FRMPD2: variants seen among roughly 807,000 people sequenced by gnomAD.
FRMPD2 encodes FERM and PDZ domain-containing protein 2.
A neutral mutation model predicts 140.1 loss-of-function variants in FRMPD2; 96 were observed. The observed-to-expected ratio is 0.69, with a 90% CI of 0.58 to 0.81. The LOEUF (loss-of-function observed/expected upper bound fraction) is 0.81, where lower values mean the gene tolerates loss of function less well. Among genes scored for constraint, FRMPD2 ranks in the 40% least tolerant of loss-of-function variants. FRMPD2 has a pLI of 0.00. For synonymous variants in FRMPD2, 449 were observed against 547.6 expected (o/e 0.82, Z 2.52); for missense variants, 1,240 against 1,447.4 (o/e 0.86, Z 2.32).
chr10:48,209,121 T>C (rs1839264243), intron 13 of FRMPD2, among the ~76,000 whole-genome samples: 1 of 152,310 alleles, frequency 6.6e-6, no homozygotes, highest in African/African-American at 2.4e-5. Context: ...TGTCTTAAAA[T>C]TGATTATCAG....
In FRMPD2 at chr10:48,206,899, A is replaced by T. The variant is rs1218072335; in HGVS notation, c.1646T>A (p.Val549Asp). The T allele has an allele frequency of 1.9e-6, 3 of 1,613,974 alleles. No homozygotes were observed. Among genetic ancestry groups the T allele is most frequent in the Non-Finnish European group, 2.5e-6 (3 of 1,179,916 alleles). ...CCTCTTCTCTGAGAATACTTGGTGA[A>T]CCAGCACACCGTATTCTGGGAGCTG... ...TQQLPEYGVLVHQVFSEKRRP... is the reference protein window; with the variant it reads ...TQQLPEYGVLDHQVFSEKRRP... The change falls in exon 14 of 29, where the codon GTT (valine) becomes GAT (aspartate). Residue 549 changes from valine to aspartate, a missense_variant. By Grantham distance (152) the Val-to-Asp change is radical. This residue lies in a region of FRMPD2 where 1,161 missense variants were observed against 1,055.9 expected (regional missense o/e 1.10). Transcript: ENST00000374201.
chr10:48,240,627 C>T (rs1487250938), intron 5 of FRMPD2, 135 bp from the exon 6 acceptor site: 3 of 1,244,656 alleles, frequency 2.4e-6, no homozygotes, highest in Non-Finnish European at 3.3e-6. Context: ...GATGTGTTCT[C>T]TGGCACCCAG....
chr10:48,175,243 G>C, intron 23 of FRMPD2: 1 of 788,786 alleles, frequency 1.3e-6, no homozygotes, highest in Non-Finnish European at 1.9e-6. Flanking sequence ...CTGTTTTCCT[G>C]TGAAACCATT....
intron 12 of FRMPD2, among the ~76,000 whole-genome samples, chr10:48,220,672 T>C (rs980473804): frequency 6.6e-6 from 1 of 151,906 alleles, no homozygotes; most frequent in African/African-American, 2.4e-5. Flanking sequence ...TAGGAGAAAA[T>C]CTTTGCAATC....
intron 12 of FRMPD2, among the ~76,000 whole-genome samples, chr10:48,213,522 C>A (rs1320903601): frequency 6.6e-6 from 1 of 152,196 alleles, no homozygotes; most frequent in African/African-American, 2.4e-5. Context: ...CAAAAACCTG[C>A]ACACAGATGT....
intron 1 of FRMPD2, among the ~76,000 whole-genome samples, chr10:48,271,314 C>T (rs573086715): frequency 4.6e-5 from 7 of 152,338 alleles, no homozygotes; most frequent in East Asian, 1.9e-4. Context: ...ATGCTGCCTG[C>T]ACTCTGGACT....
Position 48,201,305 on chromosome 10 carries a change from T to C in FRMPD2, c.1877A>G (p.Tyr626Cys). The C allele has an allele frequency of 6.2e-7, 1 of 1,613,924 alleles. No individual in the cohort carries two copies. Among genetic ancestry groups the C allele is most frequent in the Non-Finnish European group, 8.5e-7 (1 of 1,179,848 alleles). ...FVTDSAKTSK[Y>C]LLDLCSAQHG... The stretch of plus-strand genomic sequence containing the variant: ...CTGGGCTGAGCAGAGGTCCAGTAAG[T>C]ATTTACTGGTCTTGGCTGAATCTGT... Residue 626 changes from tyrosine to cysteine, a missense_variant, in exon 15 of 29, where the codon TAC (tyrosine) becomes TGC (cysteine). Coordinates refer to ENST00000374201, the MANE Select transcript of FRMPD2 (RefSeq NM_001018071.4).
At chr10:48,206,970 A>G in intron 13 of FRMPD2, 37 bp from the exon 14 acceptor site, 1 of 1,595,728 alleles carries the variant, frequency 6.3e-7, no homozygotes, top group Non-Finnish European at 8.6e-7. Flanking sequence ...AGAGACAGGC[A>G]CATGGTTTAA....
At chr10:48,255,214 C>A (rs375654659) in intron 1 of FRMPD2, among the ~76,000 whole-genome samples, 4 of 152,264 alleles carry the variant, frequency 2.6e-5, no homozygotes, top group Non-Finnish European at 5.9e-5. Flanking sequence ...TAGAAGTCTT[C>A]TTTGCCATTG....
chr10:48,194,587 C>A lies in FRMPD2; in HGVS notation c.1955-1693G>T, dbSNP rs538900369. ...AGAGACTGTGATTACAGGAAGGAGC[C>A]ATCCCTTAGAGGCAGGGGACTCACA... On this transcript the variant is annotated intron_variant, in intron 15 of 28. Coordinates refer to ENST00000374201, the MANE Select transcript of FRMPD2 (RefSeq NM_001018071.4). Among the ~76,000 whole-genome samples the A allele has an allele frequency of 1.6e-4, 24 of 152,276 alleles. No individual in the cohort carries two copies. The South Asian group carries it at 5.0e-3, about 32-fold the overall frequency.
intron 16 of FRMPD2, 135 bp from the exon 17 acceptor site, chr10:48,187,427 T>A (rs899583267): frequency 1.5e-6 from 1 of 658,958 alleles, no homozygotes; most frequent in African/African-American, 1.8e-5. Context: ...CAGCCTTGTG[T>A]CCAGTCATCC....
intron 9 of FRMPD2, 90 bp from the exon 10 acceptor site, chr10:48,232,379 C>T: frequency 1.2e-6 from 1 of 863,950 alleles, no homozygotes; most frequent in African/African-American, 1.7e-5. Context: ...ACTTTACACA[C>T]ATTGTCTCAT....
chr10:48,213,462 C>T (rs1343738538), intron 12 of FRMPD2, among the ~76,000 whole-genome samples: 1 of 152,174 alleles, frequency 6.6e-6, no homozygotes. Context: ...TATGATTGAG[C>T]AATTTGCTCC....
At chr10:48,222,220 C>A in intron 12 of FRMPD2, 93 bp downstream of exon 12, 3 of 1,329,542 alleles carry the variant, frequency 2.3e-6, no homozygotes, top group South Asian at 2.9e-5. Context: ...TAACAATACT[C>A]AAAGCAGAGT....
In FRMPD2 at chr10:48,254,876, G is replaced by A. The variant is rs139853490; in HGVS notation, c.26-3185C>T. On this transcript the variant is annotated intron_variant, in intron 1 of 28. Transcript: ENST00000374201. ...GGAAATGCTGTGAAGCACTTTATGG[G>A]GCCTGTAATCTCAGGCTATGAAATA... 3.9e-5 allele frequency among the ~76,000 whole-genome samples: 6 copies of A among 152,266 alleles called. No individual in the cohort carries two copies. The East Asian group carries it at 1.2e-3, about 29-fold the overall frequency.
chr10:48,186,706 A>C (rs1462042492), intron 17 of FRMPD2, among the ~76,000 whole-genome samples: 1 of 152,224 alleles, frequency 6.6e-6, no homozygotes, highest in East Asian at 1.9e-4. Flanking sequence ...AAACGCACTA[A>C]TACACTGATC....
intron 22 of FRMPD2, among the ~76,000 whole-genome samples, chr10:48,176,535 T>C (rs1434353077): frequency 6.6e-6 from 1 of 150,996 alleles, no homozygotes; most frequent in Non-Finnish European, 1.5e-5. Context: ...GGTTTGAGTG[T>C]TTTTCATGTG....
chr10:48,216,455 CT>C (rs1839453741), intron 12 of FRMPD2, among the ~76,000 whole-genome samples: 1 of 152,164 alleles, frequency 6.6e-6, no homozygotes, highest in Admixed American at 6.5e-5. Context: ...GACTCCAGGT[CT>C]GAGTAAGAGA....
In FRMPD2 at chr10:48,264,139, G is replaced by A. The variant is rs191140381; in HGVS notation, c.25+10404C>T. On this transcript the variant is annotated intron_variant, in intron 1 of 28. Coordinates refer to ENST00000374201, the MANE Select transcript of FRMPD2 (RefSeq NM_001018071.4). Reference sequence around the variant, plus strand: ...ACCAGGAATAGAAAGAAACTTCTTCGACTTAATCTTTTTAAAATATGTAAA... The same window carrying A: ...ACCAGGAATAGAAAGAAACTTCTTCAACTTAATCTTTTTAAAATATGTAAA... 6.9e-4 allele frequency among the ~76,000 whole-genome samples: 105 copies of A among 151,502 alleles called. 1 individual carries two copies. The East Asian group carries it at 0.017, about 24-fold the overall frequency.
Sources: allele counts gnomAD v4.1 joint callset (sites outside exome capture counted in the v4.1 genomes callset), GRCh38; gene constraint gnomAD v4.1.1; regional missense constraint gnomAD v4.1.1; transcripts MANE v1.5; gene names NCBI Gene and HGNC (gene_info 2026-07-23, HGNC 2026-07-21).